NOS1AP: variants seen among roughly 807,000 people sequenced by gnomAD.
The protein encoded by NOS1AP is carboxyl-terminal PDZ ligand of neuronal nitric oxide synthase protein.
Under a neutral mutation model 56.2 loss-of-function variants are expected in NOS1AP, and 21 were observed. The ratio of observed to expected loss-of-function variants is 0.37; its 90% CI spans 0.26 to 0.54. NOS1AP has a LOEUF of 0.54. NOS1AP is among the 20% of genes least tolerant of loss of function. The pLI is 0.84. For missense variants in NOS1AP, 522 were observed against 657.8 expected (o/e 0.79, Z 2.26); for synonymous variants, 270 against 274.6 (o/e 0.98, Z 0.17).
At chr1:162,186,744 T>C (rs539014558) in intron 2 of NOS1AP, among the ~76,000 whole-genome samples, 8 of 152,348 alleles carry the variant, frequency 5.3e-5, no homozygotes, top group Admixed American at 2.0e-4. Context: ...GATCTGTTTG[T>C]TGACACCTTG....
At chr1:162,256,258 A>C (rs976942863) in intron 2 of NOS1AP, among the ~76,000 whole-genome samples, 2 of 152,200 alleles carry the variant, frequency 1.3e-5, no homozygotes, top group Non-Finnish European at 2.9e-5. Flanking sequence ...TACATCTGGC[A>C]TTATTACAGA....
chr1:162,288,028 T>C (rs893177752), intron 3 of NOS1AP, among the ~76,000 whole-genome samples: 1 of 152,006 alleles, frequency 6.6e-6, no homozygotes, highest in African/African-American at 2.4e-5. Flanking sequence ...TCAGCGTGAG[T>C]TGGGGAGAGA....
intron 1 of NOS1AP, among the ~76,000 whole-genome samples, chr1:162,085,632 T>C (rs1234361900): frequency 6.6e-6 from 1 of 152,150 alleles, no homozygotes; most frequent in Admixed American, 6.5e-5. Flanking sequence ...TTCCCTGAAT[T>C]TGCATTCCTA....
intron 2 of NOS1AP, among the ~76,000 whole-genome samples, chr1:162,250,630 C>T (rs1369678591): frequency 4.6e-5 from 7 of 152,252 alleles, no homozygotes; most frequent in African/African-American, 1.4e-4. Flanking sequence ...AATGGGACCA[C>T]CCCCATGCAG....
At chr1:162,093,189 C>T (rs1054855117) in intron 1 of NOS1AP, among the ~76,000 whole-genome samples, 2 of 152,064 alleles carry the variant, frequency 1.3e-5, no homozygotes, top group Non-Finnish European at 2.9e-5. Flanking sequence ...AAATATCTCC[C>T]CTATCTGAGC....
chr1:162,356,421 G>A (rs1016412741), intron 7 of NOS1AP, among the ~76,000 whole-genome samples: 3 of 152,192 alleles, frequency 2.0e-5, no homozygotes, highest in African/African-American at 4.8e-5. Context: ...CTCACCAGAG[G>A]CAGTGGAGGG....
intron 1 of NOS1AP, among the ~76,000 whole-genome samples, chr1:162,099,619 ATGTTT>A (rs1352098276): frequency 8.0e-6 from 1 of 125,026 alleles, no homozygotes; most frequent in Non-Finnish European, 1.7e-5. Context: ...GGCTGCATGT[ATGTTT>A]TCTTTTTTTT....
chr1:162,226,594 CCTGATT>C (rs1652948157), intron 2 of NOS1AP, among the ~76,000 whole-genome samples: 1 of 152,142 alleles, frequency 6.6e-6, no homozygotes. Context: ...AACAGAGTAA[CCTGATT>C]TAATTTGGGG....
chr1:162,248,589 A>G (rs1284597090), intron 2 of NOS1AP, among the ~76,000 whole-genome samples: 2 of 152,162 alleles, frequency 1.3e-5, no homozygotes, highest in African/African-American at 2.4e-5. Flanking sequence ...GAGAGCTTAC[A>G]TCAATTTCCT....
intron 1 of NOS1AP, among the ~76,000 whole-genome samples, chr1:162,131,440 C>G (rs367762218): frequency 6.6e-6 from 1 of 150,396 alleles, no homozygotes; most frequent in South Asian, 2.1e-4. Context: ...AATAATGCAG[C>G]AAGCCACAAT....
At chr1:162,313,989 G>A (rs901091618) in intron 4 of NOS1AP, among the ~76,000 whole-genome samples, 2 of 152,170 alleles carry the variant, frequency 1.3e-5, no homozygotes, top group African/African-American at 2.4e-5. Context: ...CATCCCAAGT[G>A]CCTAGAAGGA....
rs200026291 is a variant in NOS1AP at position 162,251,649 on chromosome 1, AAT to A, written c.178-35684_178-35683del. The stretch of plus-strand genomic sequence containing the variant: ...GTGTGTGTGTCTGTGTGTGTGTATA[AAT>A]ATATATATATGTGTGTGTGTATGTG... On this transcript the variant is annotated intron_variant, in intron 2 of 9. Transcript: ENST00000361897. Among the ~76,000 whole-genome samples the A allele has an allele frequency of 6.3e-3, 884 of 140,098 alleles. 57 individuals are homozygous for A. The East Asian group carries it at 0.15, about 23-fold the overall frequency. 91.9% of individuals were successfully genotyped at this position (140,098 alleles called of 152,430 possible).
At chr1:162,108,587 ACAT>A (rs1647598126) in intron 1 of NOS1AP, among the ~76,000 whole-genome samples, 2 of 152,204 alleles carry the variant, frequency 1.3e-5, no homozygotes, top group African/African-American at 4.8e-5. Flanking sequence ...GAATGATATC[ACAT>A]CATTATTATT....
At chr1:162,176,989 C>T (rs192935986) in intron 2 of NOS1AP, among the ~76,000 whole-genome samples, 117 of 152,252 alleles carry the variant, frequency 7.7e-4, no homozygotes, top group African/African-American at 2.6e-3. Context: ...GAGAATCTGC[C>T]TCATTTGAGT....
intron 2 of NOS1AP, among the ~76,000 whole-genome samples, chr1:162,180,776 G>A (rs879524041): frequency 6.6e-6 from 1 of 152,154 alleles, no homozygotes; most frequent in Admixed American, 6.5e-5. Flanking sequence ...AACACAGCCT[G>A]GTTGACACCA....
chr1:162,321,578 G>T (rs1656413540), intron 4 of NOS1AP, among the ~76,000 whole-genome samples: 1 of 151,924 alleles, frequency 6.6e-6, no homozygotes, highest in Non-Finnish European at 1.5e-5. Flanking sequence ...GTGGGGTAGG[G>T]GTAGGGGAGA....
chr1:162,331,229 A>T (rs1656756863), intron 4 of NOS1AP, among the ~76,000 whole-genome samples: 1 of 152,160 alleles, frequency 6.6e-6, no homozygotes, highest in South Asian at 2.1e-4. Context: ...CCATTTAGAG[A>T]TGATAGACAT....
At chr1:162,287,696 C>A (rs891494668) in intron 3 of NOS1AP, among the ~76,000 whole-genome samples, 3 of 152,056 alleles carry the variant, frequency 2.0e-5, no homozygotes, top group Admixed American at 1.3e-4. Flanking sequence ...TGCCTTCAAC[C>A]CCCCTCCCCA....
chr1:162,315,985 C>T (rs1352617687), intron 4 of NOS1AP, among the ~76,000 whole-genome samples: 1 of 152,040 alleles, frequency 6.6e-6, no homozygotes, highest in African/African-American at 2.4e-5. Context: ...CCACTTGTCT[C>T]ACACACAATA....
Sources: gnomAD v4.1 joint callset for allele counts (sites outside exome capture counted in the v4.1 genomes callset) on GRCh38, gnomAD v4.1.1 for gene constraint, MANE v1.5 for transcripts, NCBI Gene and HGNC (gene_info 2026-07-23, HGNC 2026-07-21) for gene names.